The following CLHC1 variants were observed in gnomAD, a reference collection of about 807,000 sequenced individuals.
CLHC1 encodes clathrin heavy chain linker domain containing 1.
CLHC1 carries 72 observed loss-of-function variants against 69.5 expected under a neutral mutation model. The ratio of observed to expected loss-of-function variants is 1.04; its 90% confidence interval spans 0.86 to 1.26. CLHC1 has a LOEUF of 1.26. Among genes scored for constraint, CLHC1 ranks in the 50% most tolerant of loss-of-function variants. The probability of loss-of-function intolerance (pLI) is 0.00; values close to 1 mark genes in which losing one functional copy is unlikely to be tolerated. For missense variants in CLHC1, 790 were observed against 679.3 expected (o/e 1.16, Z -1.81); for synonymous variants, 223 against 224.3 (o/e 0.99, Z 0.05).
chr2:55,201,748 T>C (rs1299861940), intron 9 of CLHC1, among the ~76,000 whole-genome samples: 1 of 152,050 alleles, frequency 6.6e-6, no homozygotes, highest in East Asian at 1.9e-4. Flanking sequence ...TGATAAACAT[T>C]GATGCAAAAA....
intron 4 of CLHC1, chr2:55,216,126 A>G (rs1372077901): frequency 6.6e-6 from 1 of 151,216 alleles, no homozygotes; most frequent in East Asian, 1.9e-4. Flanking sequence ...AAAAAAAAAA[A>G]AAAAAAAAAA....
At position 55,181,649 on chromosome 2, in the gene CLHC1, C is replaced by G. The variant is rs75073607; in HGVS notation, c.1102G>C (p.Ala368Pro). 2.7e-3 allele frequency: 4,308 copies of G among 1,613,594 alleles called. 7 individuals carry two copies. The highest frequency in any genetic ancestry group is 3.2e-3 in the Non-Finnish European group (3,806 of 1,179,664). The change falls in exon 10 of 13, where the codon GCT (alanine) becomes CCT (proline). Residue 368 changes from alanine (A) to proline (P), a missense_variant. Transcript: ENST00000401408. Reference sequence around the variant, plus strand: ...CATTTGATTCCTTCCAGGGTTAGAGCTGCATCAACAGGACATGGAAAAGCA... The same window carrying G: ...CATTTGATTCCTTCCAGGGTTAGAGGTGCATCAACAGGACATGGAAAAGCA... Reference protein sequence around the residue: ...SHAFPCPVDAALTLEGIKCGL... With the variant: ...SHAFPCPVDAPLTLEGIKCGL...
At chr2:55,229,406 G>A (rs533587603) in intron 1 of CLHC1, among the ~76,000 whole-genome samples, 1 of 152,182 alleles carries the variant, frequency 6.6e-6, no homozygotes, top group African/African-American at 2.4e-5. Flanking sequence ...GAGGCAAAGA[G>A]AGTAGCCAGT....
intron 3 of CLHC1, 34 bp downstream of exon 3, chr2:55,222,201 T>C: frequency 6.6e-7 from 1 of 1,507,042 alleles, no homozygotes; most frequent in Non-Finnish European, 9.2e-7. Flanking sequence ...GCTATCCTCA[T>C]GAAAACTTAA....
intron 5 of CLHC1, among the ~76,000 whole-genome samples, chr2:55,212,259 C>T (rs947895569): frequency 3.9e-5 from 6 of 152,100 alleles, no homozygotes; most frequent in Admixed American, 1.3e-4. Flanking sequence ...GCCTGGGTGA[C>T]GGAGAGAGAC....
intron 3 of CLHC1, among the ~76,000 whole-genome samples, chr2:55,221,773 T>G (rs778456141): frequency 6.6e-6 from 1 of 151,980 alleles, no homozygotes; most frequent in Non-Finnish European, 1.5e-5. Context: ...AGGCCAGGAG[T>G]GCAAGACCAG....
Position 55,177,623 on chromosome 2 carries a change from C to T in CLHC1, c.1543G>A (p.Glu515Lys). The T allele has an allele frequency of 6.2e-7, 1 of 1,604,490 alleles. No homozygotes were observed. Among genetic ancestry groups the T allele is most frequent in the Non-Finnish European group, 8.5e-7 (1 of 1,174,768 alleles). ...MKKVGIKLLQ[E>K]INKGGIDAVE... is the part of the protein sequence containing the mutation. ...TTACCTATCCCACCTTTATTGATTT[C>T]TTGAAGTAGCTTAATGCCAACTTTT... The change falls in exon 12 of 13, where the codon GAA becomes AAA. Residue 515 changes from glutamate (E) to lysine (K), a missense_variant. By Grantham distance (56) the Glu-to-Lys change is moderately conservative. Transcript: ENST00000401408.
intron 5 of CLHC1, among the ~76,000 whole-genome samples, chr2:55,210,881 G>T (rs1672929943): frequency 6.6e-6 from 1 of 151,902 alleles, no homozygotes; most frequent in South Asian, 2.1e-4. Flanking sequence ...GAGAGAGAGA[G>T]AGGCTCTCAC....
intron 7 of CLHC1, 115 bp downstream of exon 7, chr2:55,209,289 G>T: frequency 1.5e-6 from 1 of 646,618 alleles, no homozygotes; most frequent in Non-Finnish European, 2.7e-6. Flanking sequence ...CAGACAACCA[G>T]CTGAAGTATG....
At chr2:55,185,535 T>C (rs1670340226) in intron 9 of CLHC1, among the ~76,000 whole-genome samples, 1 of 152,222 alleles carries the variant, frequency 6.6e-6, no homozygotes, top group African/African-American at 2.4e-5. Context: ...TCACTCTACA[T>C]GTAAGCTCCG....
intron 5 of CLHC1, among the ~76,000 whole-genome samples, chr2:55,210,589 T>G (rs1672896789): frequency 6.6e-6 from 1 of 152,230 alleles, no homozygotes; most frequent in Non-Finnish European, 1.5e-5. Context: ...TTTAGTGATT[T>G]CATTAACACA....
rs190309338 is a variant in CLHC1 at position 55,220,815 on chromosome 2, C to G, written c.177+1420G>C. On this transcript the variant is annotated intron_variant, in intron 3 of 12. Transcript: ENST00000401408. Reference sequence around the variant, plus strand: ...TGATATTTATAAAACCTATTCAATACCTTACCTTTATTTAAACATTCATTC... The same window carrying G: ...TGATATTTATAAAACCTATTCAATAGCTTACCTTTATTTAAACATTCATTC... 3.3e-5 allele frequency among the ~76,000 whole-genome samples: 5 copies of G among 152,254 alleles called. No homozygotes were observed. In the East Asian group the frequency reaches 9.6e-4, roughly 29 times the overall value.
intron 2 of CLHC1, among the ~76,000 whole-genome samples, chr2:55,227,259 T>C (rs1340126342): frequency 2.1e-4 from 32 of 152,162 alleles, no homozygotes; most frequent in Non-Finnish European, 1.0e-4. Context: ...TCAGTATTTA[T>C]TGAGTGTCAA....
intron 3 of CLHC1, among the ~76,000 whole-genome samples, chr2:55,221,206 A>C (rs1307801449): frequency 6.6e-6 from 1 of 152,184 alleles, no homozygotes; most frequent in African/African-American, 2.4e-5. Flanking sequence ...TAAGGTAAGT[A>C]CTTCCTGTGG....
chr2:55,209,832 C>T lies in CLHC1; in HGVS notation c.500-1G>A. The T allele has an allele frequency of 1.3e-6, 2 of 1,596,468 alleles. No individual in the cohort carries two copies. The highest frequency in any genetic ancestry group is 1.7e-6 in the Non-Finnish European group (2 of 1,167,732). ...TTCATGGATTCTTGAAGAGTCATGCCTATGGGGAAAGGGAACAAATCAAAC... is the reference window on the plus strand; with the variant it reads ...TTCATGGATTCTTGAAGAGTCATGCTTATGGGGAAAGGGAACAAATCAAAC... On this transcript the variant is annotated splice_acceptor_variant, in intron 5 of 12. Coordinates refer to ENST00000401408, the MANE Select transcript of CLHC1 (RefSeq NM_152385.4). LOFTEE classifies it high-confidence loss of function.
In CLHC1 at chr2:55,174,617, G is replaced by A. The variant is rs1208630264; in HGVS notation, c.*1173C>T. Among the ~76,000 whole-genome samples, 1 of 152,086 alleles carries A rather than the reference G, an allele frequency of 6.6e-6. No homozygotes were observed. Among genetic ancestry groups the A allele is most frequent in the Non-Finnish European group, 1.5e-5 (1 of 68,012 alleles). Reference sequence around the variant, plus strand: ...GCCCATATTTTATAAGTGAGTAAGAGGTAGGACCAGAATTTTAATATGAAG... The same window carrying A: ...GCCCATATTTTATAAGTGAGTAAGAAGTAGGACCAGAATTTTAATATGAAG... On this transcript the variant is annotated 3_prime_UTR_variant, in exon 13 of 13. Transcript: ENST00000401408.
rs755680833 is a variant in CLHC1 at position 55,209,841 on chromosome 2, A to T, written c.500-10T>A. ...TCTTGAAGAGTCATGCCTATGGGGA[A>T]AGGGAACAAATCAAACACGACAAGC... On this transcript the variant is annotated splice_polypyrimidine_tract_variant and intron_variant, in intron 5 of 12. Transcript: ENST00000401408. 13 of 1,579,498 alleles carry T rather than the reference A, an allele frequency of 8.2e-6. No homozygotes were observed. The Admixed American group carries it at 1.2e-4, about 14-fold the overall frequency.
Position 55,181,727 on chromosome 2 carries a change from C to A in CLHC1, c.1024G>T (p.Gly342Ter), listed in dbSNP as rs1287861723. The A allele has an allele frequency of 6.2e-7, 1 of 1,611,456 alleles. No homozygotes were observed. The highest frequency in any genetic ancestry group is 2.2e-5 in the East Asian group (1 of 44,812). The change falls in exon 10 of 13, where the codon GGA becomes TGA. Residue 342 changes from glycine (G) to a stop codon, truncating the protein, a stop_gained. Transcript: ENST00000401408. LOFTEE classifies it high-confidence loss of function. ...AATAAGAGTAATGGAAGAGGCTTTC[C>A]TCTAATTTTTCCAACAGCTACAGAA... ...NTFKAVGKIR[G>*]KPLPLLLFFE...
intron 4 of CLHC1, chr2:55,215,976 T>G (rs998727559): frequency 3.3e-5 from 5 of 152,044 alleles, no homozygotes; most frequent in Non-Finnish European, 7.3e-5. Flanking sequence ...CAAGTTGACT[T>G]AAAATTATCT....
Sources: gnomAD v4.1 joint callset for allele counts (sites outside exome capture counted in the v4.1 genomes callset) on GRCh38, gnomAD v4.1.1 for gene constraint, MANE v1.5 for transcripts, NCBI Gene and HGNC (gene_info 2026-07-23, HGNC 2026-07-21) for gene names.